PKHD1: variants seen among roughly 807,000 people sequenced by gnomAD.
PKHD1 encodes the protein fibrocystin.
A neutral mutation model predicts 412.0 loss-of-function variants in PKHD1; 291 were observed. The observed-to-expected ratio is 0.71, with a 90% CI of 0.64 to 0.78. PKHD1 has a LOEUF of 0.78. PKHD1 is among the 30% of genes least tolerant of loss of function. The pLI, the probability that PKHD1 is intolerant of heterozygous loss-of-function variation, is 0.00. For synonymous variants in PKHD1, 1,777 were observed against 1,821.5 expected (o/e 0.98, Z 0.62); for missense variants, 4,825 against 4,950.7 (o/e 0.97, Z 0.76).
intron 43 of PKHD1, among the ~76,000 whole-genome samples, chr6:51,892,002 C>T (rs1037277619): frequency 2.0e-5 from 3 of 152,146 alleles, no homozygotes. Context: ...GTTTATTTAG[C>T]TTTAGCTTCA....
At chr6:51,976,574 G>A (rs1794469313) in intron 35 of PKHD1, among the ~76,000 whole-genome samples, 1 of 152,150 alleles carries the variant, frequency 6.6e-6, no homozygotes. Flanking sequence ...TGACGGTTAC[G>A]CAACAATCTA....
Position 51,903,746 on chromosome 6 carries a change from C to T in PKHD1, c.6866-19G>A. The T allele has an allele frequency of 6.2e-7, 1 of 1,601,542 alleles. No individual in the cohort carries two copies. Among genetic ancestry groups the T allele is most frequent in the South Asian group, 1.1e-5 (1 of 90,866 alleles). On this transcript the variant is annotated intron_variant, in intron 42 of 66. Transcript: ENST00000371117. ...GACCAGTCTAATGTTTCAACAAATC[C>T]AGGGGATCCACAAACATAATTAAAA...
intron 9 of PKHD1, 135 bp downstream of exon 9, chr6:52,070,871 C>G (rs991037684): frequency 1.4e-6 from 1 of 699,696 alleles, no homozygotes; most frequent in African/African-American, 1.8e-5. Context: ...GTAGTATTTT[C>G]CAGGGAATTC....
intron 31 of PKHD1, among the ~76,000 whole-genome samples, chr6:52,026,386 A>T (rs1337479797): frequency 6.6e-6 from 1 of 152,240 alleles, no homozygotes; most frequent in African/African-American, 2.4e-5. Context: ...TAACAGTAAA[A>T]TAATACAAAT....
Position 52,060,006 on chromosome 6 carries a change from T to C in PKHD1, c.1155A>G (p.Thr385=). ...RLSGFFVAPE[T]NNYTFWIQAD... The stretch of plus-strand genomic sequence containing the variant: ...CCTGAATCCAGAAAGTGTAATTATT[T>C]GTCTCTGGAGCCACAAAGAACCCAC... Residue 385 remains threonine, a synonymous_variant, in exon 15 of 67, where the codon ACA becomes ACG. Transcript: ENST00000371117. 1 of 1,611,522 alleles carries C rather than the reference T, an allele frequency of 6.2e-7. No individual in the cohort carries two copies.
chr6:51,984,858 T>C (rs1339908120), intron 35 of PKHD1, among the ~76,000 whole-genome samples: 1 of 152,244 alleles, frequency 6.6e-6, no homozygotes, highest in East Asian at 1.9e-4. Flanking sequence ...CAAATTAACG[T>C]TGGGTTACCC....
rs768001913 is a variant in PKHD1 at position 51,911,967 on chromosome 6, A to G, written c.6333-11T>C. 1 of 1,605,128 alleles carries G rather than the reference A, an allele frequency of 6.2e-7. No homozygotes were observed. Among genetic ancestry groups the G allele is most frequent in the South Asian group, 1.1e-5 (1 of 90,908 alleles). On this transcript the variant is annotated splice_polypyrimidine_tract_variant and intron_variant, in intron 38 of 66. Transcript: ENST00000371117. The stretch of plus-strand genomic sequence containing the variant: ...AAGTTGTGAGAATATCTGGAGAAAA[A>G]AAGAGGATGATAGAACTGAGGACAT...
intron 52 of PKHD1, among the ~76,000 whole-genome samples, chr6:51,800,674 G>C (rs1046493446): frequency 1.3e-5 from 2 of 152,228 alleles, no homozygotes; most frequent in Non-Finnish European, 2.9e-5. Flanking sequence ...CAAGGGCAAA[G>C]GGCACAGATC....
intron 36 of PKHD1, among the ~76,000 whole-genome samples, chr6:51,951,521 C>A (rs1380430616): frequency 6.6e-6 from 1 of 151,948 alleles, no homozygotes; most frequent in African/African-American, 2.4e-5. Flanking sequence ...CAAAAGGTTC[C>A]AAATATAATT....
chr6:51,687,607 C>A (rs960897062), intron 60 of PKHD1, among the ~76,000 whole-genome samples: 14 of 152,090 alleles, frequency 9.2e-5, no homozygotes, highest in African/African-American at 2.9e-4. Flanking sequence ...CTTTAAAAGG[C>A]AGAAATAAGA....
chr6:52,035,656 A>C lies in PKHD1; in HGVS notation c.3163T>G (p.Tyr1055Asp). 6.2e-7 allele frequency: 1 copy of C among 1,613,952 alleles called. No individual in the cohort carries two copies. Among genetic ancestry groups the C allele is most frequent in the Non-Finnish European group, 8.5e-7 (1 of 1,179,850 alleles). Residue 1055 changes from tyrosine to aspartate, a missense_variant, in exon 28 of 67, where the codon TAC becomes GAC. Tyr to Asp is a radical substitution (Grantham distance 160). Coordinates refer to ENST00000371117, the MANE Select transcript of PKHD1 (RefSeq NM_138694.4). ...EGVSLILFGS[Y>D]SCAINVATSN... ...GTAGCGACATTGATGGCACACGAGTAAGATCCAAATAATATCAGGCTAACA... is the reference window on the plus strand; with the variant it reads ...GTAGCGACATTGATGGCACACGAGTCAGATCCAAATAATATCAGGCTAACA...
At chr6:51,760,978 T>G (rs1241278923) in intron 55 of PKHD1, among the ~76,000 whole-genome samples, 2 of 152,094 alleles carry the variant, frequency 1.3e-5, no homozygotes, top group Non-Finnish European at 2.9e-5. Flanking sequence ...TTGCATACTG[T>G]TAGTAGAAAT....
At chr6:51,867,744 C>A (rs1321975965) in intron 48 of PKHD1, 119 bp downstream of exon 48, 7 of 964,256 alleles carry the variant, frequency 7.3e-6, no homozygotes, top group South Asian at 1.4e-5. Context: ...CATTTCACTT[C>A]TTTAGAGCTA....
At chr6:51,895,220 A>C (rs1342552639) in intron 43 of PKHD1, among the ~76,000 whole-genome samples, 1 of 152,264 alleles carries the variant, frequency 6.6e-6, no homozygotes, top group Non-Finnish European at 1.5e-5. Flanking sequence ...TTGGGAAGCC[A>C]AAGTGGGGAG....
At chr6:51,911,745 C>G (rs933222788) in intron 39 of PKHD1, 54 bp downstream of exon 39, 3 of 1,460,086 alleles carry the variant, frequency 2.1e-6, no homozygotes, top group African/African-American at 2.8e-5. Flanking sequence ...TATCATCAGA[C>G]AGTAAGAATA....
At chr6:51,857,077 C>A (rs1440250058) in intron 48 of PKHD1, among the ~76,000 whole-genome samples, 1 of 152,104 alleles carries the variant, frequency 6.6e-6, no homozygotes, top group Non-Finnish European at 1.5e-5. Context: ...TTTGTGAATC[C>A]AGTTACCCAA....
chr6:51,790,214 C>A (rs1486642152), intron 53 of PKHD1, among the ~76,000 whole-genome samples: 1 of 152,144 alleles, frequency 6.6e-6, no homozygotes, highest in East Asian at 1.9e-4. Context: ...CTCTTTCAAT[C>A]TTCTTCCTGG....
chr6:52,040,489 A>G (rs569628763), intron 27 of PKHD1, among the ~76,000 whole-genome samples: 8 of 152,112 alleles, frequency 5.3e-5, no homozygotes, highest in East Asian at 1.9e-4. Context: ...AAATCCTCCA[A>G]TGGCCACCAT....
chr6:51,765,597 C>G (rs563150243), intron 55 of PKHD1, among the ~76,000 whole-genome samples: 1 of 152,166 alleles, frequency 6.6e-6, no homozygotes, highest in South Asian at 2.1e-4. Context: ...CCTGTCCATT[C>G]AATCTAAAAT....
Sources: gnomAD v4.1 joint callset for allele counts (sites outside exome capture counted in the v4.1 genomes callset) on GRCh38, gnomAD v4.1.1 for gene constraint, MANE v1.5 for transcripts, NCBI Gene and HGNC (gene_info 2026-07-23, HGNC 2026-07-21) for gene names.